PSAP: variants seen among roughly 807,000 people sequenced by gnomAD.
The protein encoded by PSAP is prosaposin, also known as precursor of saposins.
Under a neutral mutation model 66.0 loss-of-function variants are expected in PSAP, and 25 were observed. That is an observed-to-expected ratio of 0.38 (90% CI 0.28 to 0.53). The LOEUF is 0.53. Among genes scored for constraint, PSAP ranks in the 20% least tolerant of loss-of-function variants. PSAP has a pLI of 0.83. For missense variants in PSAP, 649 were observed against 668.8 expected (o/e 0.97, Z 0.33); for synonymous variants, 273 against 258.9 (o/e 1.05, Z -0.52).
At chr10:71,839,241 C>T (rs994721684) in intron 1 of PSAP, among the ~76,000 whole-genome samples, 1 of 149,754 alleles carries the variant, frequency 6.7e-6, no homozygotes, top group Non-Finnish European at 1.5e-5. Flanking sequence ...ACAACGGGCT[C>T]TTTTTTTTTT....
intron 7 of PSAP, chr10:71,823,863 T>G: frequency 1.6e-6 from 2 of 1,289,268 alleles, no homozygotes; most frequent in Non-Finnish European, 2.0e-6. Context: ...AGACCACTAC[T>G]GCAAGCAGAT....
chr10:71,822,049 C>A (rs1842311650), intron 7 of PSAP, 42 bp from the exon 8 acceptor site: 3 of 1,613,554 alleles, frequency 1.9e-6, no homozygotes, highest in African/African-American at 1.3e-5. Context: ...CAAGCCTACG[C>A]CCACTGCTCC....
chr10:71,819,348 T>A, intron 11 of PSAP, 117 bp downstream of exon 11: 1 of 1,464,468 alleles, frequency 6.8e-7, no homozygotes, highest in South Asian at 1.1e-5. Context: ...TAAAACTTCA[T>A]TGGACTCCAT....
At chr10:71,848,503 A>G (rs1191282033) in intron 1 of PSAP, among the ~76,000 whole-genome samples, 2 of 152,112 alleles carry the variant, frequency 1.3e-5, no homozygotes, top group Non-Finnish European at 2.9e-5. Flanking sequence ...CAATTCTCTC[A>G]TGGTGCCATG....
At chr10:71,824,029 G>C in intron 7 of PSAP, 1 of 615,044 alleles carries the variant, frequency 1.6e-6, no homozygotes, top group Non-Finnish European at 2.6e-6. Context: ...CAGGGGAAAT[G>C]CTCTTGCAAT....
At chr10:71,834,620 C>T in intron 1 of PSAP, 115 bp from the exon 2 acceptor site, 1 of 1,372,706 alleles carries the variant, frequency 7.3e-7, no homozygotes, top group Non-Finnish European at 1.0e-6. Flanking sequence ...GCTACTCAGC[C>T]CCTCACCAAG....
chr10:71,837,115 C>T (rs1272696947), intron 1 of PSAP, among the ~76,000 whole-genome samples: 1 of 152,184 alleles, frequency 6.6e-6, no homozygotes, highest in African/African-American at 2.4e-5. Context: ...AACAGATTTC[C>T]GTGGACACAG....
At chr10:71,832,833 T>G (rs1842545671) in intron 2 of PSAP, among the ~76,000 whole-genome samples, 1 of 151,584 alleles carries the variant, frequency 6.6e-6, no homozygotes, top group Non-Finnish European at 1.5e-5. Context: ...CTGACCAGCA[T>G]GTTGAAAACC....
chr10:71,819,844 C>G lies in PSAP; in HGVS notation c.1062G>C (p.Ser354=). 1 of 1,614,138 alleles carries G rather than the reference C, an allele frequency of 6.2e-7. No homozygotes were observed. The highest frequency in any genetic ancestry group is 8.5e-7 in the Non-Finnish European group (1 of 1,180,024). The change falls in exon 10 of 14, where the codon TCG becomes TCC. Residue 354 remains serine, a synonymous_variant. Transcript: ENST00000394936. ...KMCSKLPKSL[S]EECQEVVDTY... ...TGTCCACCACCTCCTGGCACTCTTC[C>G]GACAGGGACTTCGGCAGCTTCGAGC...
intron 6 of PSAP, 74 bp downstream of exon 6, chr10:71,827,940 A>C (rs1842426022): frequency 6.3e-7 from 1 of 1,588,022 alleles, no homozygotes; most frequent in Non-Finnish European, 8.6e-7. Context: ...TGTTGTCTGA[A>C]CGCCCTACTC....
intron 1 of PSAP, among the ~76,000 whole-genome samples, chr10:71,838,793 T>C (rs1842675394): frequency 1.3e-5 from 2 of 151,992 alleles, no homozygotes; most frequent in African/African-American, 4.8e-5. Flanking sequence ...CATTAGGTGA[T>C]GACCTCACCA....
rs545283642 is a variant in PSAP, at chr10:71,843,265, G to A, written c.40+7917C>T. On this transcript the variant is annotated intron_variant, in intron 1 of 13. Transcript: ENST00000394936. ...AAAATCTCTGAGCACCAAGAAGGAA[G>A]GGGCCAGAAGGCTGGACAGCAGGCC... 1.2e-4 allele frequency among the ~76,000 whole-genome samples: 19 copies of A among 152,324 alleles called. 1 individual carries two copies. The highest frequency in any genetic ancestry group is 3.4e-3 in the Middle Eastern group (1 of 294).
At chr10:71,842,452 T>A (rs1202819728) in intron 1 of PSAP, among the ~76,000 whole-genome samples, 1 of 152,244 alleles carries the variant, frequency 6.6e-6, no homozygotes, top group Non-Finnish European at 1.5e-5. Flanking sequence ...GTTTAACTTA[T>A]AAGATGTTAA....
At chr10:71,830,086 G>A (rs1842482140) in intron 4 of PSAP, among the ~76,000 whole-genome samples, 1 of 152,146 alleles carries the variant, frequency 6.6e-6, no homozygotes, top group Non-Finnish European at 1.5e-5. Context: ...CCCACAAAAT[G>A]AGCTAACACG....
chr10:71,847,438 C>G (rs1332932874), intron 1 of PSAP, among the ~76,000 whole-genome samples: 2 of 152,146 alleles, frequency 1.3e-5, no homozygotes, highest in Non-Finnish European at 2.9e-5. Context: ...ATCCTAGCTA[C>G]TCGGGAGGCA....
chr10:71,819,925 GAGA>G, intron 9 of PSAP, 25 bp from the exon 10 acceptor site: 1 of 1,595,518 alleles, frequency 6.3e-7, no homozygotes, highest in Non-Finnish European at 8.6e-7. Flanking sequence ...AGGATCGTGT[GAGA>G]AGACGGGAGG....
chr10:71,843,909 G>T (rs959014673), intron 1 of PSAP, among the ~76,000 whole-genome samples: 1 of 152,290 alleles, frequency 6.6e-6, no homozygotes, highest in Middle Eastern at 3.4e-3. Flanking sequence ...TTAACAGTAG[G>T]GGAAGCTGGG....
chr10:71,849,933 T>C (rs1037567786), intron 1 of PSAP, among the ~76,000 whole-genome samples: 6 of 152,162 alleles, frequency 3.9e-5, no homozygotes, highest in African/African-American at 1.2e-4. Context: ...CCCAAATTCC[T>C]ATCTAAGGGG....
At chr10:71,840,169 G>T (rs1421582211) in intron 1 of PSAP, among the ~76,000 whole-genome samples, 1 of 151,548 alleles carries the variant, frequency 6.6e-6, no homozygotes, top group Non-Finnish European at 1.5e-5. Context: ...AGTACAATTT[G>T]AATCTAGCTA....
Sources: allele counts gnomAD v4.1 joint callset (sites outside exome capture counted in the v4.1 genomes callset), GRCh38; gene constraint gnomAD v4.1.1; transcripts MANE v1.5; gene names NCBI Gene and HGNC (gene_info 2026-07-23, HGNC 2026-07-21).